RPRD1A: variants seen among roughly 807,000 people sequenced by gnomAD.
The protein encoded by RPRD1A is regulation of nuclear pre-mRNA domain-containing protein 1A.
Under a neutral mutation model 37.8 loss-of-function variants are expected in RPRD1A, and 9 were observed. That is an observed-to-expected ratio of 0.24 (90% CI 0.14 to 0.42). The LOEUF (loss-of-function observed/expected upper bound fraction) is 0.42, where lower values mean the gene tolerates loss of function less well. Among genes scored for constraint, RPRD1A ranks in the 10% least tolerant of loss-of-function variants. The probability of loss-of-function intolerance (pLI) is 1.00; values close to 1 mark genes in which losing one functional copy is unlikely to be tolerated. For missense variants in RPRD1A, 255 were observed against 371.0 expected (o/e 0.69, Z 2.57); for synonymous variants, 138 against 139.7 (o/e 0.99, Z 0.08).
chr18:36,026,082 T>C (rs1911347459), intron 6 of RPRD1A: 1 of 161,208 alleles, frequency 6.2e-6, no homozygotes, highest in African/African-American at 2.4e-5. Context: ...TTGGCACAAT[T>C]AGAGACTGCT....
intron 1 of RPRD1A, among the ~76,000 whole-genome samples, chr18:36,046,174 T>G (rs1912937501): frequency 6.6e-6 from 1 of 152,182 alleles, no homozygotes; most frequent in African/African-American, 2.4e-5. Context: ...AAAAATCTTC[T>G]GCCACACCCA....
chr18:36,035,518 C>A (rs1912126495), intron 1 of RPRD1A, among the ~76,000 whole-genome samples: 2 of 152,172 alleles, frequency 1.3e-5, no homozygotes, highest in Non-Finnish European at 2.9e-5. Context: ...TCCCTCTTAA[C>A]AACTAGACCA....
intron 1 of RPRD1A, among the ~76,000 whole-genome samples, chr18:36,065,353 CGTT>C (rs1568159016): frequency 6.6e-6 from 1 of 152,168 alleles, no homozygotes; most frequent in Non-Finnish European, 1.5e-5. Context: ...AATTCAGTCA[CGTT>C]GTTTCATGCA....
chr18:36,020,241 C>T (rs934343439), intron 6 of RPRD1A, among the ~76,000 whole-genome samples: 2 of 152,148 alleles, frequency 1.3e-5, no homozygotes, highest in Admixed American at 6.5e-5. Flanking sequence ...AAACTCTACA[C>T]GAATCTGGTA....
intron 6 of RPRD1A, chr18:36,025,743 G>T: frequency 1.3e-6 from 1 of 774,666 alleles, no homozygotes; most frequent in Non-Finnish European, 1.8e-6. Flanking sequence ...AAAATTGTAT[G>T]ACATTACTTA....
intron 1 of RPRD1A, chr18:36,040,934 T>C (rs1378995210): frequency 8.5e-6 from 8 of 937,322 alleles, no homozygotes; most frequent in South Asian, 1.8e-5. Context: ...TTTACAGTAA[T>C]TGTCTTTCAG....
chr18:35,992,905 TG>T lies in RPRD1A; in HGVS notation c.*245del. On this transcript the variant is annotated 3_prime_UTR_variant, in exon 7 of 7. Coordinates refer to ENST00000399022, the MANE Select transcript of RPRD1A (RefSeq NM_018170.5). ...AAAAAAAATTTACAAAAAGATCTTTTGAAAATAATCACTATTTGTGAGCTTA... is the reference window on the plus strand; with the variant it reads ...AAAAAAAATTTACAAAAAGATCTTTTAAAATAATCACTATTTGTGAGCTTA... 1 of 329,624 alleles carries T rather than the reference TG, an allele frequency of 3.0e-6. No homozygotes were observed. Among genetic ancestry groups the T allele is most frequent in the Non-Finnish European group, 5.4e-6 (1 of 185,552 alleles). 20.4% of individuals were successfully genotyped at this position (329,624 alleles called of 1,614,324 possible). A position where few individuals can be genotyped will look rare whatever the true frequency, so the allele number is the denominator to read the frequency against.
At chr18:36,033,299 C>CAAAAAAAAAA (rs71166085) in intron 2 of RPRD1A, among the ~76,000 whole-genome samples, 1 of 75,918 alleles carries the variant, frequency 1.3e-5, no homozygotes, top group African/African-American at 5.8e-5. Flanking sequence ...GACTCTGTCT[C>CAAAAAAAAAA]AAAAAAAAAA....
At chr18:36,055,796 G>A (rs970276329) in intron 1 of RPRD1A, among the ~76,000 whole-genome samples, 7 of 152,160 alleles carry the variant, frequency 4.6e-5, no homozygotes, top group African/African-American at 1.7e-4. Flanking sequence ...GAGGGTGGAT[G>A]TCCTATCAGA....
intron 1 of RPRD1A, among the ~76,000 whole-genome samples, chr18:36,053,640 T>A (rs1027486183): frequency 6.6e-6 from 1 of 152,184 alleles, no homozygotes; most frequent in African/African-American, 2.4e-5. Context: ...TTATAAAGTA[T>A]TTGTTTGAAT....
chr18:36,028,674 C>G (rs1464173551), intron 4 of RPRD1A, among the ~76,000 whole-genome samples: 2 of 152,128 alleles, frequency 1.3e-5, no homozygotes, highest in Non-Finnish European at 2.9e-5. Flanking sequence ...AATACTAAGC[C>G]TACTACTTCC....
intron 6 of RPRD1A, among the ~76,000 whole-genome samples, chr18:36,001,282 C>A (rs1428872871): frequency 6.6e-6 from 1 of 152,114 alleles, no homozygotes; most frequent in African/African-American, 2.4e-5. Flanking sequence ...AAGCCAGGAG[C>A]TGATAAGCAG....
At chr18:36,047,164 C>T (rs919052754) in intron 1 of RPRD1A, among the ~76,000 whole-genome samples, 3 of 151,944 alleles carry the variant, frequency 2.0e-5, no homozygotes, top group Non-Finnish European at 4.4e-5. Flanking sequence ...GCTGCGATCA[C>T]ATCACCATAC....
intron 6 of RPRD1A, among the ~76,000 whole-genome samples, chr18:35,997,969 A>G (rs774475532): frequency 1.3e-5 from 2 of 152,208 alleles, no homozygotes; most frequent in African/African-American, 2.4e-5. Flanking sequence ...TAATATTTAA[A>G]TCAACTCATT....
At chr18:36,015,711 C>G (rs1357939909) in intron 6 of RPRD1A, among the ~76,000 whole-genome samples, 1 of 152,082 alleles carries the variant, frequency 6.6e-6, no homozygotes, top group African/African-American at 2.4e-5. Flanking sequence ...AAGAAATAAG[C>G]CAGTCACAAA....
At chr18:36,057,365 T>C (rs773962026) in intron 1 of RPRD1A, among the ~76,000 whole-genome samples, 2 of 152,098 alleles carry the variant, frequency 1.3e-5, no homozygotes, top group African/African-American at 2.4e-5. Context: ...CCCAGCACTT[T>C]GGGAGGCCAA....
intron 1 of RPRD1A, among the ~76,000 whole-genome samples, chr18:36,052,151 C>T (rs938141478): frequency 4.4e-4 from 20 of 45,308 alleles, no homozygotes; most frequent in Non-Finnish European, 7.6e-4. Context: ...TATTTAACAT[C>T]CTAACAGAAA....
chr18:36,053,903 G>A (rs1392515764), intron 1 of RPRD1A, among the ~76,000 whole-genome samples: 1 of 151,700 alleles, frequency 6.6e-6, no homozygotes, highest in Non-Finnish European at 1.5e-5. Context: ...GAAGGAAGGG[G>A]TTGAAACAAT....
intron 1 of RPRD1A, among the ~76,000 whole-genome samples, chr18:36,047,310 G>A (rs1163652280): frequency 2.0e-5 from 3 of 152,080 alleles, no homozygotes; most frequent in Non-Finnish European, 4.4e-5. Context: ...ACAAAAATCT[G>A]TGGGGCATAG....
Sources: gnomAD v4.1 joint callset for allele counts (sites outside exome capture counted in the v4.1 genomes callset) on GRCh38, gnomAD v4.1.1 for gene constraint, MANE v1.5 for transcripts, NCBI Gene and HGNC (gene_info 2026-07-23, HGNC 2026-07-21) for gene names.